Variants in SSBP2 observed in about 807,000 individuals in gnomAD.
SSBP2 encodes single stranded DNA binding protein 2.
A neutral mutation model predicts 61.8 loss-of-function variants in SSBP2; 17 were observed. The ratio of observed to expected loss-of-function variants is 0.28; its 90% confidence interval spans 0.19 to 0.41. The LOEUF (loss-of-function observed/expected upper bound fraction) is 0.41, where lower values mean the gene tolerates loss of function less well. Ranked by LOEUF, SSBP2 falls within the 10% of genes least tolerant of loss-of-function variation. The pLI is 1.00. For missense variants in SSBP2, 310 were observed against 458.7 expected (o/e 0.68, Z 2.96); for synonymous variants, 139 against 141.3 (o/e 0.98, Z 0.12).
At chr5:81,672,031 G>T (rs2153790531) in intron 1 of SSBP2, among the ~76,000 whole-genome samples, 1 of 152,110 alleles carries the variant, frequency 6.6e-6, no homozygotes, top group East Asian at 1.9e-4. Context: ...TTCTACTATT[G>T]AGCCACATTT....
intron 1 of SSBP2, among the ~76,000 whole-genome samples, chr5:81,738,982 T>G (rs984703351): frequency 1.3e-5 from 2 of 151,646 alleles, no homozygotes; most frequent in African/African-American, 4.8e-5. Flanking sequence ...CTGGCCAACA[T>G]AGTGAAATCC....
At chr5:81,548,216 T>C (rs543515762) in intron 4 of SSBP2, among the ~76,000 whole-genome samples, 4 of 152,292 alleles carry the variant, frequency 2.6e-5, no homozygotes, top group South Asian at 2.1e-4. Context: ...GTATACATAA[T>C]GTATACTGCA....
chr5:81,588,482 G>T (rs1218081750), intron 4 of SSBP2, among the ~76,000 whole-genome samples: 2 of 151,800 alleles, frequency 1.3e-5, no homozygotes, highest in East Asian at 1.9e-4. Context: ...CTCAGTATGG[G>T]GCAGAGGTTA....
At chr5:81,511,862 T>C (rs1048709416) in intron 5 of SSBP2, among the ~76,000 whole-genome samples, 4 of 152,226 alleles carry the variant, frequency 2.6e-5, no homozygotes, top group African/African-American at 9.6e-5. Flanking sequence ...AGTACTCAAA[T>C]ATTTATCACA....
intron 1 of SSBP2, among the ~76,000 whole-genome samples, chr5:81,682,619 G>A (rs1251596535): frequency 2.6e-5 from 4 of 152,096 alleles, no homozygotes; most frequent in Admixed American, 6.5e-5. Context: ...AAATGTCAAG[G>A]ATGTTCCCTC....
rs904893012 is a variant in SSBP2, at chr5:81,413,766, T to A, written c.*6738A>T. 3 of 152,186 alleles carry A rather than the reference T, an allele frequency of 2.0e-5. No individual in the cohort carries two copies. Among genetic ancestry groups the A allele is most frequent in the African/African-American group, 7.2e-5 (3 of 41,460 alleles). The allele number at this position is 152,186 out of a possible 1,614,324, so 9.4% of individuals were successfully genotyped here. On this transcript the variant is annotated 3_prime_UTR_variant, in exon 17 of 17. Coordinates refer to ENST00000320672, the MANE Select transcript of SSBP2 (RefSeq NM_012446.5). ...GTTTATATTAAGAAGATTTCTAAGA[T>A]GGTGCTAAATTTAAAGTAATTTGTT...
At chr5:81,446,725 T>C (rs1285524354) in intron 12 of SSBP2, 143 bp downstream of exon 12, 2 of 722,006 alleles carry the variant, frequency 2.8e-6, no homozygotes, top group African/African-American at 1.8e-5. Context: ...AAGAACACTA[T>C]ATTTCTTCCT....
At chr5:81,421,477 G>C (rs1761607793) in intron 16 of SSBP2, among the ~76,000 whole-genome samples, 1 of 152,146 alleles carries the variant, frequency 6.6e-6, no homozygotes, top group Non-Finnish European at 1.5e-5. Flanking sequence ...ACAGGCGTGA[G>C]ACCCTGTGCT....
intron 4 of SSBP2, among the ~76,000 whole-genome samples, chr5:81,608,352 CA>C (rs1009239046): frequency 5.9e-5 from 9 of 152,118 alleles, no homozygotes; most frequent in African/African-American, 2.2e-4. Context: ...CAGCGTATAT[CA>C]ACACTATTAG....
At position 81,419,678 on chromosome 5, in the gene SSBP2, T is replaced by C. The variant is rs1467718006; in HGVS notation, c.*826A>G. 1 of 152,232 alleles carries C rather than the reference T, an allele frequency of 6.6e-6. No homozygotes were observed. The highest frequency in any genetic ancestry group is 2.4e-5 in the African/African-American group (1 of 41,464). The allele number at this position is 152,232 out of a possible 1,614,324, so 9.4% of individuals were successfully genotyped here. ...GGTCTAAATGATTTGGGCTATTTAA[T>C]GATTTCTGTATCATCTAAGACAAAC... is the stretch of plus-strand genomic sequence containing the variant. On this transcript the variant is annotated 3_prime_UTR_variant, in exon 17 of 17. Transcript: ENST00000320672.
At chr5:81,743,882 G>A (rs1404282462) in intron 1 of SSBP2, among the ~76,000 whole-genome samples, 3 of 152,300 alleles carry the variant, frequency 2.0e-5, no homozygotes, top group Admixed American at 6.5e-5. Context: ...CAAAGAAGCC[G>A]ATCCTGAACC....
chr5:81,735,194 T>G (rs1252899892), intron 1 of SSBP2, among the ~76,000 whole-genome samples: 1 of 152,174 alleles, frequency 6.6e-6, no homozygotes, highest in African/African-American at 2.4e-5. Flanking sequence ...ATTGTATCTT[T>G]GATAACTACA....
chr5:81,441,196 A>G lies in SSBP2; in HGVS notation c.850-560T>C, dbSNP rs1275887006. Among the ~76,000 whole-genome samples the G allele has an allele frequency of 2.3e-4, 35 of 152,354 alleles. 1 individual carries two copies. Among genetic ancestry groups the G allele is most frequent in the Non-Finnish European group, 2.9e-5 (2 of 68,036 alleles). ...TGGCAGTCTCAACCATGTCACTTCAATGACACTCAGAGGTTCCATGGCAAT... is the reference window on the plus strand; with the variant it reads ...TGGCAGTCTCAACCATGTCACTTCAGTGACACTCAGAGGTTCCATGGCAAT... On this transcript the variant is annotated intron_variant, in intron 13 of 16. Coordinates refer to ENST00000320672, the MANE Select transcript of SSBP2 (RefSeq NM_012446.5).
chr5:81,444,149 T>G (rs1185725339), intron 12 of SSBP2, among the ~76,000 whole-genome samples: 3 of 152,166 alleles, frequency 2.0e-5, no homozygotes, highest in African/African-American at 7.2e-5. Context: ...GTTGAAAAAG[T>G]TGGAGTGCCT....
intron 4 of SSBP2, among the ~76,000 whole-genome samples, chr5:81,585,893 G>T (rs13354281): frequency 0.052 from 7,855 of 152,060 alleles, 378 homozygotes; most frequent in African/African-American, 0.12. Context: ...AGATCATGTG[G>T]TATTTGTCTT....
intron 4 of SSBP2, among the ~76,000 whole-genome samples, chr5:81,614,593 C>T (rs1194473885): frequency 6.6e-6 from 1 of 152,138 alleles, no homozygotes; most frequent in Non-Finnish European, 1.5e-5. Context: ...ATGATGCCAG[C>T]CTCCACAAAC....
intron 1 of SSBP2, among the ~76,000 whole-genome samples, chr5:81,681,034 C>G (rs889091976): frequency 2.0e-5 from 3 of 152,002 alleles, no homozygotes; most frequent in Non-Finnish European, 4.4e-5. Flanking sequence ...TAAAACACAC[C>G]TTAGCAAATT....
At chr5:81,664,263 T>C (rs1197413053) in intron 1 of SSBP2, among the ~76,000 whole-genome samples, 1 of 151,772 alleles carries the variant, frequency 6.6e-6, no homozygotes, top group Non-Finnish European at 1.5e-5. Context: ...GCTGGGACTA[T>C]GGGCATTTGC....
At chr5:81,556,130 C>T (rs1350681809) in intron 4 of SSBP2, among the ~76,000 whole-genome samples, 1 of 152,048 alleles carries the variant, frequency 6.6e-6, no homozygotes, top group African/African-American at 2.4e-5. Flanking sequence ...AGAGATATTG[C>T]ATATCATAAT....
Sources: allele counts gnomAD v4.1 joint callset (sites outside exome capture counted in the v4.1 genomes callset), GRCh38; gene constraint gnomAD v4.1.1; transcripts MANE v1.5; gene names NCBI Gene and HGNC (gene_info 2026-07-23, HGNC 2026-07-21).